TSGA10: variants seen among roughly 807,000 people sequenced by gnomAD.
The protein encoded by TSGA10 is testis specific 10.
TSGA10 carries 43 observed loss-of-function variants against 96.6 expected under a neutral mutation model. That is an observed-to-expected ratio of 0.44 (90% CI 0.35 to 0.57). The LOEUF is 0.57. Ranked by LOEUF, TSGA10 falls within the 20% of genes least tolerant of loss-of-function variation. TSGA10 has a pLI of 0.01. For synonymous variants in TSGA10, 229 were observed against 269.9 expected (o/e 0.85, Z 1.48); for missense variants, 703 against 834.4 (o/e 0.84, Z 1.94).
rs559216734 is a variant in TSGA10, at chr2:99,110,956, A to C, written c.-139-41T>G. The C allele has an allele frequency of 4.1e-5, 24 of 582,288 alleles. No homozygotes were observed. The African/African-American group carries it at 4.4e-4, about 11-fold the overall frequency. The allele number at this position is 582,288 out of a possible 1,614,324, so 36.1% of individuals were successfully genotyped here. ...AAAAAAAAAAAATTATTTCTATTAA[A>C]GATGTTTAAACTAATTGGAAAAAGA... is the stretch of plus-strand genomic sequence containing the variant. On this transcript the variant is annotated intron_variant, in intron 4 of 20. Transcript: ENST00000393483.
chr2:99,008,544 T>C (rs1472903843), intron 20 of TSGA10, among the ~76,000 whole-genome samples: 2 of 152,246 alleles, frequency 1.3e-5, no homozygotes, highest in Non-Finnish European at 2.9e-5. Context: ...CAGTGTGTTC[T>C]ATTAGTGACG....
intron 20 of TSGA10, among the ~76,000 whole-genome samples, chr2:99,014,086 T>C (rs1272578921): frequency 1.3e-5 from 2 of 152,018 alleles, no homozygotes; most frequent in African/African-American, 2.4e-5. Context: ...ACCTGGGAGA[T>C]GGAGGTTGCA....
chr2:99,154,957 C>T (rs963077993), upstream of TSGA10: 11 of 455,094 alleles, frequency 2.4e-5, no homozygotes, highest in South Asian at 1.1e-4. Context: ...GGCGGGGCAG[C>T]ATCGCGCGCA....
At chr2:99,044,011 AC>A (rs2082474527) in intron 16 of TSGA10, among the ~76,000 whole-genome samples, 1 of 152,224 alleles carries the variant, frequency 6.6e-6, no homozygotes, top group East Asian at 1.9e-4. Context: ...GGCCTGCCTT[AC>A]AAGAGCTCTG....
chr2:99,018,155 T>C lies in TSGA10; in HGVS notation c.2072+45A>G, dbSNP rs761849200. 4 of 1,609,068 alleles carry C rather than the reference T, an allele frequency of 2.5e-6. No homozygotes were observed. In the Admixed American group the frequency reaches 6.7e-5, roughly 27 times the overall value. On this transcript the variant is annotated intron_variant, in intron 20 of 20. Coordinates refer to ENST00000393483, the MANE Select transcript of TSGA10 (RefSeq NM_025244.4). ...TACCCCAAATGTTCACTATACTAGA[T>C]ACTGCTATTTGATCTCAAGAGAATG...
At chr2:99,043,125 A>C (rs1221367314) in intron 16 of TSGA10, among the ~76,000 whole-genome samples, 1 of 152,164 alleles carries the variant, frequency 6.6e-6, no homozygotes, top group African/African-American at 2.4e-5. Flanking sequence ...ATGGTTAATG[A>C]AGTAAAGGAA....
chr2:99,147,595 A>G, intron 1 of TSGA10: 1 of 1,000,250 alleles, frequency 1.0e-6, no homozygotes, highest in South Asian at 1.7e-5. Flanking sequence ...ATATGTTACC[A>G]TTCTTTTACG....
chr2:99,149,764 G>GCTTTTT, intron 1 of TSGA10, among the ~76,000 whole-genome samples: 1 of 135,222 alleles, frequency 7.4e-6, no homozygotes, highest in African/African-American at 2.8e-5. Context: ...TTACAGACTA[G>GCTTTTT]ACATCCTTAA....
intron 16 of TSGA10, among the ~76,000 whole-genome samples, chr2:99,051,557 C>A (rs954292791): frequency 1.3e-5 from 2 of 152,074 alleles, no homozygotes; most frequent in Non-Finnish European, 2.9e-5. Flanking sequence ...ACAGCACTTA[C>A]AATAATGTTA....
intron 16 of TSGA10, among the ~76,000 whole-genome samples, chr2:99,046,625 G>C (rs976026461): frequency 6.6e-6 from 1 of 152,126 alleles, no homozygotes; most frequent in Admixed American, 6.5e-5. Context: ...AAGCAAGAAA[G>C]ATCTAAAATT....
chr2:99,041,575 T>C (rs1337969802), intron 16 of TSGA10, among the ~76,000 whole-genome samples: 8 of 151,796 alleles, frequency 5.3e-5, no homozygotes, highest in Admixed American at 2.0e-4. Flanking sequence ...AAACATAAAG[T>C]GGGGAAAGAA....
chr2:99,071,879 T>C lies in TSGA10; in HGVS notation c.939-5A>G, dbSNP rs771637043. The C allele has an allele frequency of 1.2e-6, 2 of 1,607,708 alleles. No individual in the cohort carries two copies. Among genetic ancestry groups the C allele is most frequent in the Non-Finnish European group, 1.7e-6 (2 of 1,177,690 alleles). ...ATTAGGGCCTCAGTACACTGTCTAT[T>C]CCACAAATCAAAGAGTACATAAGAA... On this transcript the variant is annotated splice_polypyrimidine_tract_variant and splice_region_variant and intron_variant, in intron 13 of 20. Transcript: ENST00000393483.
intron 3 of TSGA10, among the ~76,000 whole-genome samples, 193 bp from the exon 4 acceptor site, chr2:99,117,952 T>C (rs2092364440): frequency 6.6e-6 from 1 of 152,146 alleles, no homozygotes; most frequent in African/African-American, 2.4e-5. Flanking sequence ...TAAATAAACA[T>C]TTTAAATTTT....
chr2:99,089,522 C>G (rs983953919), intron 10 of TSGA10, among the ~76,000 whole-genome samples: 2 of 152,094 alleles, frequency 1.3e-5, no homozygotes, highest in African/African-American at 2.4e-5. Context: ...AGTTCTCAGC[C>G]CTGCTTGCCC....
At chr2:99,124,202 AT>A (rs2092712963) in intron 2 of TSGA10, among the ~76,000 whole-genome samples, 1 of 152,122 alleles carries the variant, frequency 6.6e-6, no homozygotes, top group South Asian at 2.1e-4. Flanking sequence ...TTTGATTTGC[AT>A]TTCTTTAATG....
At chr2:99,058,523 A>G (rs1183830361) in intron 16 of TSGA10, among the ~76,000 whole-genome samples, 1 of 151,918 alleles carries the variant, frequency 6.6e-6, no homozygotes, top group Non-Finnish European at 1.5e-5. Context: ...TAATAGAGAA[A>G]AATCAATTAA....
At chr2:99,081,257 G>T in intron 11 of TSGA10, 25 bp downstream of exon 11, 1 of 1,299,614 alleles carries the variant, frequency 7.7e-7, no homozygotes, top group Non-Finnish European at 1.1e-6. Context: ...AAAACTAAAA[G>T]TAATATTAAG....
intron 10 of TSGA10, among the ~76,000 whole-genome samples, chr2:99,085,609 T>TAAAAAAAAAAAAAAAA (rs200309936): frequency 3.6e-4 from 19 of 52,454 alleles, no homozygotes; most frequent in African/African-American, 4.7e-4. Context: ...ATCCTGTCTT[T>TAAAAAAAAAAAAAAAA]AAAAAAAAAA....
chr2:99,033,082 T>C (rs2105062655), intron 17 of TSGA10, among the ~76,000 whole-genome samples: 1 of 152,348 alleles, frequency 6.6e-6, no homozygotes, highest in South Asian at 2.1e-4. Flanking sequence ...CAGATGGCAG[T>C]GGTTGCCATG....
Sources: gnomAD v4.1 joint callset for allele counts (sites outside exome capture counted in the v4.1 genomes callset) on GRCh38, gnomAD v4.1.1 for gene constraint, MANE v1.5 for transcripts, NCBI Gene and HGNC (gene_info 2026-07-23, HGNC 2026-07-21) for gene names.